The following POU2F2 variants were observed in gnomAD, a reference collection of about 807,000 sequenced individuals.
POU2F2 encodes POU domain, class 2, transcription factor 2.
POU2F2 carries 14 observed loss-of-function variants against 63.5 expected under a neutral mutation model. The ratio of observed to expected loss-of-function variants is 0.22; its 90% CI spans 0.15 to 0.34. The LOEUF (loss-of-function observed/expected upper bound fraction) is 0.34, where lower values mean the gene tolerates loss of function less well. POU2F2 is among the 10% of genes least tolerant of loss of function. POU2F2 has a pLI of 1.00. For synonymous variants in POU2F2, 306 were observed against 348.6 expected (o/e 0.88, Z 1.36); for missense variants, 607 against 815.2 (o/e 0.74, Z 3.11).
intron 1 of POU2F2, among the ~76,000 whole-genome samples, chr19:42,166,778 G>C (rs2034660192): frequency 6.6e-6 from 1 of 152,102 alleles, no homozygotes; most frequent in Non-Finnish European, 1.5e-5. Flanking sequence ...TGAGGCTCAG[G>C]TAGGAGGTGG....
At chr19:42,167,473 A>G (rs1199937800) in intron 1 of POU2F2, among the ~76,000 whole-genome samples, 1 of 152,124 alleles carries the variant, frequency 6.6e-6, no homozygotes, top group African/African-American at 2.4e-5. Context: ...CAAAAAAAAA[A>G]AAAAGCTGCT....
intron 1 of POU2F2, among the ~76,000 whole-genome samples, chr19:42,172,103 C>G (rs905856895): frequency 6.6e-6 from 1 of 152,198 alleles, no homozygotes; most frequent in African/African-American, 2.4e-5. Context: ...ACCTGGGCTG[C>G]TTTCTCCTCA....
chr19:42,180,996 A>G (rs765519308), upstream of POU2F2, among the ~76,000 whole-genome samples: 22 of 152,116 alleles, frequency 1.4e-4, no homozygotes, highest in Non-Finnish European at 2.6e-4. Context: ...TGCTAAGTCC[A>G]TATCATATGC....
chr19:42,186,862 T>C (rs976188994), intron 1 of POU2F2, among the ~76,000 whole-genome samples: 1 of 152,108 alleles, frequency 6.6e-6, no homozygotes, highest in Non-Finnish European at 1.5e-5. Flanking sequence ...GTGACATTCA[T>C]TGAGACAGGA....
At chr19:42,193,217 C>CAAAA (rs1046136227) in intron 1 of POU2F2, among the ~76,000 whole-genome samples, 1 of 65,976 alleles carries the variant, frequency 1.5e-5, no homozygotes, top group East Asian at 4.9e-4. Context: ...GACTCCGTCT[C>CAAAA]AAAAAAAAAA....
At chr19:42,142,475 C>A (rs1599656237) in intron 2 of POU2F2, among the ~76,000 whole-genome samples, 1 of 152,268 alleles carries the variant, frequency 6.6e-6, no homozygotes, top group Non-Finnish European at 1.5e-5. Context: ...CAGGCATGAG[C>A]CACTGTGCCC....
At chr19:42,141,859 G>A (rs1284598156) in intron 2 of POU2F2, among the ~76,000 whole-genome samples, 1 of 152,152 alleles carries the variant, frequency 6.6e-6, no homozygotes, top group Non-Finnish European at 1.5e-5. Flanking sequence ...ATCAAGATTT[G>A]AGGTTGAGAA....
In POU2F2 at chr19:42,092,742, C is replaced by T. The variant is rs1441371788; in HGVS notation, c.1265-472G>A. On this transcript the variant is annotated intron_variant, in intron 12 of 14. Coordinates refer to ENST00000692977, the MANE Select transcript of POU2F2 (RefSeq NM_001394376.1). This position sits in a 1 kb window ranked among gnomAD's most constrained non-coding sequence, Gnocchi z 5.0. ...GGTGCCCTTGGGTGAGTGCCTTAAC[C>T]TCTCTGACCTTCAGATCCCTTGTCT... Among the ~76,000 whole-genome samples the T allele has an allele frequency of 4.6e-5, 7 of 152,138 alleles. No individual in the cohort carries two copies. The highest frequency in any genetic ancestry group is 1.0e-4 in the Non-Finnish European group (7 of 68,032).
At position 42,169,910 on chromosome 19, in the gene POU2F2, A is replaced by G. The variant is rs2034726001; in HGVS notation, c.-70+6053T>C. 6.6e-6 allele frequency among the ~76,000 whole-genome samples: 1 copy of G among 151,918 alleles called. No individual in the cohort carries two copies. The highest frequency in any genetic ancestry group is 2.4e-5 in the African/African-American group (1 of 41,340). On this transcript the variant is annotated intron_variant, in intron 1 of 6. Transcript: ENST00000524801. The surrounding 1 kb of genome is among the most constrained non-coding windows in gnomAD (Gnocchi z 4.3). ...ACACCCTTGCTCATATGTGCCTTGCAGATGGGGAGGGGGCCGGGGTGTCAG... is the reference window on the plus strand; with the variant it reads ...ACACCCTTGCTCATATGTGCCTTGCGGATGGGGAGGGGGCCGGGGTGTCAG...
Position 42,095,454 on chromosome 19 carries a change from C to T in POU2F2, c.1029G>A (p.Lys343=). 6.2e-7 allele frequency: 1 copy of T among 1,612,694 alleles called. No homozygotes were observed. Among genetic ancestry groups the T allele is most frequent in the South Asian group, 1.1e-5 (1 of 91,076 alleles). Residue 343 remains lysine, a synonymous_variant, in exon 11 of 15, where the codon AAG becomes AAA. Coordinates refer to ENST00000692977, the MANE Select transcript of POU2F2 (RefSeq NM_001394376.1). This position sits in a 1 kb window ranked among gnomAD's most constrained non-coding sequence, Gnocchi z 7.1. ...ALEKSFLANQ[K]PTSEEILLIA... ...TCAGCAGGATCTCCTCTGAGGTAGG[C>T]TTCTGGTTCTGCAGGCAGAGGGCTC... is the stretch of plus-strand genomic sequence containing the variant.
intron 2 of POU2F2, among the ~76,000 whole-genome samples, chr19:42,142,563 GT>G (rs1422003605): frequency 6.7e-6 from 1 of 149,976 alleles, no homozygotes; most frequent in Non-Finnish European, 1.5e-5. Context: ...TTTTTTATTT[GT>G]TTTTGTTTTT....
rs977841508 is a variant in POU2F2, at chr19:42,089,708, T to TTTTATATATATATATATATATATG, written c.*1525_*1548dup. On this transcript the variant is annotated 3_prime_UTR_variant, in exon 15 of 15. Transcript: ENST00000692977. Reference sequence around the variant, plus strand: ...TTGAAGAGTCCTCATCTTCTTTCCCTTTTATATATATATATATATATATGT... The same window carrying TTTTATATATATATATATATATATG: ...TTGAAGAGTCCTCATCTTCTTTCCCTTTTATATATATATATATATATATGTTTATATATATATATATATATATGT... 2.1e-5 allele frequency: 3 copies of TTTTATATATATATATATATATATG among 144,894 alleles called. No individual in the cohort carries two copies. Among genetic ancestry groups the TTTTATATATATATATATATATATG allele is most frequent in the South Asian group, 2.2e-4 (1 of 4,502 alleles). The allele number at this position is 144,894 out of a possible 1,614,324, so 9.0% of individuals were successfully genotyped here. A position where few individuals can be genotyped will look rare whatever the true frequency, so the allele number is the denominator to read the frequency against.
intron 5 of POU2F2, among the ~76,000 whole-genome samples, chr19:42,106,025 TTC>T (rs1239993911): frequency 2.0e-5 from 3 of 149,120 alleles, no homozygotes; most frequent in East Asian, 3.9e-4. Flanking sequence ...CTTTCTTTCT[TTC>T]TTTCTTTCTT....
intron 2 of POU2F2, among the ~76,000 whole-genome samples, chr19:42,143,389 G>A (rs918844821): frequency 2.0e-5 from 3 of 152,114 alleles, no homozygotes; most frequent in African/African-American, 4.8e-5. Context: ...GTACATTAAC[G>A]TCTTGTCCAA....
At chr19:42,195,003 G>A (rs1186880241) in intron 1 of POU2F2, among the ~76,000 whole-genome samples, 3 of 97,152 alleles carry the variant, frequency 3.1e-5, no homozygotes, top group South Asian at 4.2e-4. Context: ...GGGAGGAAGG[G>A]AGGGAGAGAG....
chr19:42,104,878 GTGCCTCTGCTTAT>G (rs1037093848), intron 5 of POU2F2, among the ~76,000 whole-genome samples: 7 of 152,086 alleles, frequency 4.6e-5, no homozygotes, highest in African/African-American at 1.7e-4. Context: ...CCCCCTGGGG[GTGCCTCTGCTTAT>G]TCCGTGTATG....
chr19:42,129,156 T>C lies in POU2F2; in HGVS notation c.28+3228A>G, dbSNP rs571298653. Among the ~76,000 whole-genome samples the C allele has an allele frequency of 7.9e-5, 12 of 152,194 alleles. No individual in the cohort carries two copies. In the South Asian group the frequency reaches 2.5e-3, roughly 32 times the overall value. ...CCCCCTCCTGGTGATTCTAATGTGCTCCATCCCCTGGCACCTTCAGAAGCC... is the reference window on the plus strand; with the variant it reads ...CCCCCTCCTGGTGATTCTAATGTGCCCCATCCCCTGGCACCTTCAGAAGCC... On this transcript the variant is annotated intron_variant, in intron 1 of 14. Transcript: ENST00000692977.
At chr19:42,140,677 C>T (rs1014871816) in intron 2 of POU2F2, among the ~76,000 whole-genome samples, 1 of 152,202 alleles carries the variant, frequency 6.6e-6, no homozygotes, top group Non-Finnish European at 1.5e-5. Context: ...CTCTGAAATT[C>T]AATTGCCGCC....
rs116856583 is a variant in POU2F2, at chr19:42,191,722, C to T, written c.-70+4661G>A. The stretch of plus-strand genomic sequence containing the variant: ...GAGTAGAGCTCTCTTTGAGTTGACG[C>T]CACAGGTGTGATGGCAGTGAGGGGC... On this transcript the variant is annotated intron_variant, in intron 1 of 5. Transcript: ENST00000532176. 9.7e-4 allele frequency among the ~76,000 whole-genome samples: 148 copies of T among 152,282 alleles called. 1 individual carries two copies. The East Asian group carries it at 0.022, about 23-fold the overall frequency.
Sources: allele counts gnomAD v4.1 joint callset (sites outside exome capture counted in the v4.1 genomes callset), GRCh38; gene constraint gnomAD v4.1.1; non-coding constraint Gnocchi (gnomAD v3.1); transcripts MANE v1.5; gene names NCBI Gene and HGNC (gene_info 2026-07-23, HGNC 2026-07-21).